The following VEGFB variants were observed in gnomAD, a reference collection of about 807,000 sequenced individuals.
VEGFB encodes the protein VEGF-related factor.
VEGFB carries 24 observed loss-of-function variants against 22.5 expected under a neutral mutation model. The ratio of observed to expected loss-of-function variants is 1.07; its 90% CI spans 0.77 to 1.50. VEGFB has a LOEUF of 1.50. Among genes scored for constraint, VEGFB ranks in the 40% most tolerant of loss-of-function variants. The probability of loss-of-function intolerance (pLI) is 0.00; values close to 1 mark genes in which losing one functional copy is unlikely to be tolerated. For missense variants in VEGFB, 327 were observed against 287.8 expected, an observed-to-expected ratio of 1.14 and a Z score of -0.99; for synonymous variants, 141 against 117.4, an observed-to-expected ratio of 1.20 and a Z score of -1.30.
Position 64,237,233 on chromosome 11 carries a change from T to C in VEGFB, c.410+11T>C, listed in dbSNP as rs1032283052. 1 of 1,608,686 alleles carries C rather than the reference T, an allele frequency of 6.2e-7. No homozygotes were observed. The highest frequency in any genetic ancestry group is 1.1e-5 in the South Asian group (1 of 90,616). ...TGTGAAGCCAGACAGGTGAGTCTTT[T>C]GGACTCCAGCTGAGTAGGGGTATGG... is the stretch of plus-strand genomic sequence containing the variant. On this transcript the variant is annotated intron_variant, in intron 5 of 6. Coordinates refer to ENST00000309422, the MANE Select transcript of VEGFB (RefSeq NM_003377.5).
intron 6 of VEGFB, chr11:64,238,000 G>C (rs1015137149): frequency 2.1e-6 from 1 of 480,572 alleles, no homozygotes; most frequent in South Asian, 3.2e-5. Flanking sequence ...TGCAGTTCGG[G>C]CCTTCCCAGA....
At position 64,237,470 on chromosome 11, in the gene VEGFB, A is replaced by T. The variant is rs777583041; in HGVS notation, c.461A>T (p.Asp154Val). 2 of 1,610,444 alleles carry T rather than the reference A, an allele frequency of 1.2e-6. No individual in the cohort carries two copies. Among genetic ancestry groups the T allele is most frequent in the Non-Finnish European group, 1.7e-6 (2 of 1,179,104 alleles). ...RPQPRSVPGW[D>V]SAPGAPSPAD... ...CAGCCCCGTTCTGTTCCGGGCTGGG[A>T]CTCTGCCCCCGGAGCACCCTCCCCA... is the stretch of plus-strand genomic sequence containing the variant. The change falls in exon 6 of 7, where the codon GAC (aspartate) becomes GTC (valine). Residue 154 changes from aspartate (D) to valine (V), a missense_variant. By Grantham distance (152) the Asp-to-Val change is radical. Transcript: ENST00000309422.
At chr11:64,237,873 A>T (rs903724734) in intron 6 of VEGFB, 18 of 536,514 alleles carry the variant, frequency 3.4e-5, no homozygotes, top group Non-Finnish European at 5.2e-5. Flanking sequence ...CAATGCCAGC[A>T]GAGGATGTCA....
In VEGFB at chr11:64,237,489, C is replaced by G; in HGVS notation, c.480C>G (p.Pro160=). The part of the protein sequence containing the change: ...VPGWDSAPGA[P]SPADITHPTP... The stretch of plus-strand genomic sequence containing the variant: ...GCTGGGACTCTGCCCCCGGAGCACC[C>G]TCCCCAGCTGACATCACCCATCCCA... Residue 160 remains proline (P), a synonymous_variant, in exon 6 of 7, where the codon CCC becomes CCG. Transcript: ENST00000309422. 1 of 1,612,394 alleles carries G rather than the reference C, an allele frequency of 6.2e-7. No individual in the cohort carries two copies. The highest frequency in any genetic ancestry group is 8.5e-7 in the Non-Finnish European group (1 of 1,179,792).
Position 64,239,229 on chromosome 11 carries a change from G to C in VEGFB, c.*896G>C, listed in dbSNP as rs961332205. On this transcript the variant is annotated 3_prime_UTR_variant, in exon 7 of 7. Transcript: ENST00000309422. Reference sequence around the variant, plus strand: ...CAGAGAAGTTTGAGACTATCTTTACGTAATAGAAAAGAACACTTGTTCTTC... The same window carrying C: ...CAGAGAAGTTTGAGACTATCTTTACCTAATAGAAAAGAACACTTGTTCTTC... Among the ~76,000 whole-genome samples the C allele has an allele frequency of 6.6e-6, 1 of 152,150 alleles. No individual in the cohort carries two copies. The highest frequency in any genetic ancestry group is 2.4e-5 in the African/African-American group (1 of 41,428).
chr11:64,235,751 A>T lies in VEGFB; in HGVS notation c.104-62A>T, dbSNP rs1591079102. On this transcript the variant is annotated intron_variant, in intron 2 of 6. Coordinates refer to ENST00000309422, the MANE Select transcript of VEGFB (RefSeq NM_003377.5). ...CTGTGACTTGGGGACTGGGGAGGAC[A>T]GATGCTGGGAGCAGCTGCAGGAAAA... 5 of 1,591,062 alleles carry T rather than the reference A, an allele frequency of 3.1e-6. No individual in the cohort carries two copies. In the East Asian group the frequency reaches 1.1e-4, roughly 36 times the overall value.
chr11:64,236,229 C>G (rs767373609), intron 3 of VEGFB, 25 bp from the exon 4 acceptor site: 1 of 1,610,772 alleles, frequency 6.2e-7, no homozygotes, highest in Non-Finnish European at 8.5e-7. Context: ...CCTCACTGTC[C>G]CCCCTGTTCT....
Position 64,238,473 on chromosome 11 carries a change from C to T in VEGFB, c.*140C>T. On this transcript the variant is annotated 3_prime_UTR_variant, in exon 7 of 7. Coordinates refer to ENST00000309422, the MANE Select transcript of VEGFB (RefSeq NM_003377.5). ...GCCTGGTAAAAAACAGCCAAGCCCC[C>T]AAGACCTCAGCCCAGGCAGAAGCTG... The T allele has an allele frequency of 6.8e-7, 1 of 1,481,048 alleles. No individual in the cohort carries two copies. Among genetic ancestry groups the T allele is most frequent in the Non-Finnish European group, 9.1e-7 (1 of 1,097,568 alleles). The allele number at this position is 1,481,048 out of a possible 1,614,324, so 91.7% of individuals were successfully genotyped here.
intron 4 of VEGFB, 52 bp downstream of exon 4, chr11:64,236,379 C>A: frequency 6.4e-7 from 1 of 1,570,278 alleles, no homozygotes; most frequent in Non-Finnish European, 8.7e-7. Context: ...TTGGGGGGTG[C>A]TGGGTATGGT....
chr11:64,235,451 C>G lies in VEGFB; in HGVS notation c.61-7C>G. The G allele has an allele frequency of 6.2e-7, 1 of 1,613,826 alleles. No individual in the cohort carries two copies. The highest frequency in any genetic ancestry group is 1.3e-5 in the African/African-American group (1 of 75,046). ...TACCTTGGGTACAGGTCTTTTCTCT[C>G]CCACAGGCCCCTGTCTCCCAGCCTG... On this transcript the variant is annotated splice_region_variant and splice_polypyrimidine_tract_variant and intron_variant, in intron 1 of 6. Transcript: ENST00000309422.
At chr11:64,235,613 C>T in intron 2 of VEGFB, 113 bp downstream of exon 2, 1 of 1,317,478 alleles carries the variant, frequency 7.6e-7, no homozygotes, top group Non-Finnish European at 1.1e-6. Context: ...AACTATTATT[C>T]TACCCATTTC....
At chr11:64,237,127 G>GAGATATATATATATAT in intron 4 of VEGFB, 60 bp from the exon 5 acceptor site, 1 of 813,208 alleles carries the variant, frequency 1.2e-6, no homozygotes, top group Non-Finnish European at 1.8e-6. Flanking sequence ...GAGAGAGTAG[G>GAGATATATATATATAT]ATGCTGGGAT....
Position 64,237,681 on chromosome 11 carries a change from G to A in VEGFB, c.*22+26G>A, listed in dbSNP as rs760596199. 8.7e-6 allele frequency: 13 copies of A among 1,501,610 alleles called. No homozygotes were observed. The African/African-American group carries it at 1.7e-4, about 19-fold the overall frequency. 93.0% of individuals were successfully genotyped at this position (1,501,610 alleles called of 1,614,324 possible). On this transcript the variant is annotated intron_variant, in intron 6 of 6. Coordinates refer to ENST00000309422, the MANE Select transcript of VEGFB (RefSeq NM_003377.5). Reference sequence around the variant, plus strand: ...GTGAGGCGTCTGTGGGGTGGTGTTTGTTTGGGAAGGCACCAAGGCCCTGTC... The same window carrying A: ...GTGAGGCGTCTGTGGGGTGGTGTTTATTTGGGAAGGCACCAAGGCCCTGTC...
At position 64,237,127 on chromosome 11, in the gene VEGFB, G is replaced by GATAT. The variant is rs1565318111; in HGVS notation, c.375-58_375-57insATAT. The GATAT allele has an allele frequency of 7.4e-6, 6 of 813,042 alleles. No individual in the cohort carries two copies. In the African/African-American group the frequency reaches 1.3e-4, roughly 17 times the overall value. 50.4% of individuals were successfully genotyped at this position (813,042 alleles called of 1,614,324 possible). On this transcript the variant is annotated intron_variant, in intron 4 of 6. Transcript: ENST00000309422. Reference sequence around the variant, plus strand: ...AGAGAGAGAGAGAGAGAGAGAGTAGGATGCTGGGATTTCCTGATCTTCCTC... The same window carrying GATAT: ...AGAGAGAGAGAGAGAGAGAGAGTAGGATATATGCTGGGATTTCCTGATCTTCCTC...
Position 64,236,305 on chromosome 11 carries a change from G to T in VEGFB, c.352G>T (p.Glu118Ter), listed in dbSNP as rs1054504743. The T allele has an allele frequency of 6.2e-7, 1 of 1,613,884 alleles. No homozygotes were observed. Among genetic ancestry groups the T allele is most frequent in the African/African-American group, 1.3e-5 (1 of 75,046 alleles). Reference protein sequence around the residue: ...SSQLGEMSLEEHSQCECRPKK... With the variant: ...SSQLGEMSLE Reference sequence around the variant, plus strand: ...TCAGCTGGGGGAGATGTCCCTGGAAGAACACAGCCAGTGTGAATGCAGGTG... The same window carrying T: ...TCAGCTGGGGGAGATGTCCCTGGAATAACACAGCCAGTGTGAATGCAGGTG... Residue 118 changes from glutamate (E) to a stop codon, truncating the protein, a stop_gained, in exon 4 of 7, where the codon GAA becomes TAA. Coordinates refer to ENST00000309422, the MANE Select transcript of VEGFB (RefSeq NM_003377.5). LOFTEE classifies it high-confidence loss of function.
At chr11:64,237,955 C>T in intron 6 of VEGFB, 1 of 490,386 alleles carries the variant, frequency 2.0e-6, no homozygotes, top group South Asian at 3.2e-5. Flanking sequence ...TGACATCTGC[C>T]CGGAGTAGAA....
In VEGFB at chr11:64,237,085, AAG is replaced by A. The variant is rs59541656; in HGVS notation, c.375-65_375-64del. 1,472 of 604,322 alleles carry A rather than the reference AAG, an allele frequency of 2.4e-3. 42 individuals are homozygous for A. In the African/African-American group the frequency reaches 0.033, roughly 14 times the overall value. The allele number at this position is 604,322 out of a possible 1,614,324, so 37.4% of individuals were successfully genotyped here. On this transcript the variant is annotated intron_variant, in intron 4 of 6. Coordinates refer to ENST00000309422, the MANE Select transcript of VEGFB (RefSeq NM_003377.5). ...GCAAGAAGAGGGAAACACAGTCTCA[AAG>A]AGAGAGAGAGAGAGAGAGAGAGAGA...
In VEGFB at chr11:64,237,666, T is replaced by G. The variant is rs1203132978; in HGVS notation, c.*22+11T>G. 6.6e-7 allele frequency: 1 copy of G among 1,507,630 alleles called. No homozygotes were observed. Among genetic ancestry groups the G allele is most frequent in the Non-Finnish European group, 8.9e-7 (1 of 1,124,004 alleles). 93.4% of individuals were successfully genotyped at this position (1,507,630 alleles called of 1,614,324 possible). Reference sequence around the variant, plus strand: ...CCCAGACACCTGCAGGTGAGGCGTCTGTGGGGTGGTGTTTGTTTGGGAAGG... The same window carrying G: ...CCCAGACACCTGCAGGTGAGGCGTCGGTGGGGTGGTGTTTGTTTGGGAAGG... On this transcript the variant is annotated intron_variant, in intron 6 of 6. Coordinates refer to ENST00000309422, the MANE Select transcript of VEGFB (RefSeq NM_003377.5).
chr11:64,235,277 G>A (rs2029899787), intron 1 of VEGFB, among the ~76,000 whole-genome samples, 181 bp from the exon 2 acceptor site: 1 of 152,250 alleles, frequency 6.6e-6, no homozygotes, highest in Non-Finnish European at 1.5e-5. Flanking sequence ...GGCCAGGGCA[G>A]GTCCCGGGTG....
Sources: gnomAD v4.1 joint callset for allele counts (sites outside exome capture counted in the v4.1 genomes callset) on GRCh38, gnomAD v4.1.1 for gene constraint, MANE v1.5 for transcripts, NCBI Gene and HGNC (gene_info 2026-07-23, HGNC 2026-07-21) for gene names.